Variants in CD99 observed in about 807,000 individuals in gnomAD.
The protein encoded by CD99 is CD99 molecule (Xg blood group), also known as CD99 antigen.
CD99 carries 19 observed loss-of-function variants against 28.4 expected under a neutral mutation model. That is an observed-to-expected ratio of 0.67 (90% CI 0.47 to 0.98). The LOEUF is 0.98. CD99 is among the 50% of genes least tolerant of loss of function. The pLI is 0.00. For synonymous variants in CD99, 103 were observed against 92.1 expected (o/e 1.12, Z -0.67); for missense variants, 283 against 248.8 (o/e 1.14, Z -0.92).
At chrX:2,701,547 G>T (rs2047863721) in intron 1 of CD99, among the ~76,000 whole-genome samples, 1 of 151,904 alleles carries the variant, frequency 6.6e-6, no homozygotes. Context: ...GAGCTTCCAA[G>T]AATGAGCAGA....
chrX:2,714,501 A>T, intron 2 of CD99, 47 bp downstream of exon 2: 2 of 1,465,978 alleles, frequency 1.4e-6, no homozygotes, highest in Non-Finnish European at 1.9e-6. Context: ...ATTTTATGTT[A>T]ACATAGTATA....
chrX:2,736,492 C>T (rs1277658489), intron 8 of CD99, among the ~76,000 whole-genome samples: 2 of 151,944 alleles, frequency 1.3e-5, no homozygotes, highest in Admixed American at 6.6e-5. Context: ...AGAAAAGAAG[C>T]GACACCGACA....
At chrX:2,727,052 G>T (rs1382145047) in intron 8 of CD99, among the ~76,000 whole-genome samples, 1 of 152,194 alleles carries the variant, frequency 6.6e-6, no homozygotes, top group Non-Finnish European at 1.5e-5. Context: ...CAGGAGAATG[G>T]TGTGAACCTG....
intron 1 of CD99, among the ~76,000 whole-genome samples, chrX:2,708,488 G>A (rs772483864): frequency 1.3e-5 from 2 of 152,142 alleles, no homozygotes; most frequent in Admixed American, 1.3e-4. Context: ...AGCTGAGGTC[G>A]AGGGCCCAAG....
At chrX:2,692,772 GTC>G (rs1236862162) in intron 1 of CD99, among the ~76,000 whole-genome samples, 1 of 152,188 alleles carries the variant, frequency 6.6e-6, no homozygotes, top group Non-Finnish European at 1.5e-5. Flanking sequence ...TTTTTCACTT[GTC>G]TCTCTGCGAA....
In CD99 at chrX:2,723,329, A is replaced by T. The variant is rs1163652813; in HGVS notation, c.326A>T (p.Asp109Val). The T allele has an allele frequency of 6.2e-7, 1 of 1,613,844 alleles. No individual in the cohort carries two copies. Among genetic ancestry groups the T allele is most frequent in the Non-Finnish European group, 8.5e-7 (1 of 1,179,874 alleles). ...TGTCTTGCAGGAAAAGGAGGCAGTG[A>T]TGGTGGAGGCAGCCACAGGAAAGAA... is the stretch of plus-strand genomic sequence containing the variant. ...VSGGEGKGGS[D>V]GGGSHRKEGE... Residue 109 changes from aspartate to valine, a missense_variant, in exon 7 of 10, where the codon GAT becomes GTT. Physicochemically the swap from Asp to Val is radical, Grantham distance 152. Transcript: ENST00000381192.
At chrX:2,727,245 T>G in intron 8 of CD99, 1 of 767,964 alleles carries the variant, frequency 1.3e-6, no homozygotes, top group Non-Finnish European at 2.4e-6. Context: ...GACTAAAATT[T>G]ACAGGGGAAT....
At chrX:2,721,853 G>A (rs2049007098) in intron 5 of CD99, among the ~76,000 whole-genome samples, 3 of 152,110 alleles carry the variant, frequency 2.0e-5, no homozygotes, top group Admixed American at 6.6e-5. Flanking sequence ...AATTAACAAA[G>A]CAAATCTGAG....
intron 2 of CD99, among the ~76,000 whole-genome samples, chrX:2,717,203 C>G (rs28700076): frequency 0.34 from 51,469 of 151,818 alleles, 9,205 homozygotes; most frequent in Middle Eastern, 0.5. Flanking sequence ...AAAAAATTAG[C>G]CGGGAGTGAT....
chrX:2,698,492 G>T (rs2047683072), intron 1 of CD99, among the ~76,000 whole-genome samples: 2 of 151,730 alleles, frequency 1.3e-5, no homozygotes, highest in South Asian at 4.2e-4. Flanking sequence ...TTTGAGACAG[G>T]ATCTCACTCT....
intron 8 of CD99, chrX:2,733,415 C>T: frequency 4.5e-6 from 7 of 1,572,806 alleles, no homozygotes; most frequent in Non-Finnish European, 6.0e-6. Flanking sequence ...AGCGTCCTGA[C>T]CGTAATCGTT....
chrX:2,734,408 G>A (rs2049828700), intron 8 of CD99, among the ~76,000 whole-genome samples: 1 of 151,902 alleles, frequency 6.6e-6, no homozygotes, highest in African/African-American at 2.4e-5. Context: ...CTGGGTTCAA[G>A]CGATTCTCCT....
chrX:2,717,362 AAG>A, intron 2 of CD99: 1 of 498,966 alleles, frequency 2.0e-6, no homozygotes, highest in South Asian at 3.2e-5. Flanking sequence ...AAAAAAAAAA[AAG>A]AAGTGGAGAA....
chrX:2,727,191 G>T, intron 8 of CD99: 1 of 722,680 alleles, frequency 1.4e-6, no homozygotes, highest in South Asian at 1.5e-5. Context: ...TGTTAGTACC[G>T]AAAACCCACA....
chrX:2,691,848 G>C, intron 1 of CD99: 1 of 778,058 alleles, frequency 1.3e-6, no homozygotes, highest in Admixed American at 1.7e-5. Context: ...GCCTGTCACA[G>C]CCACGCCCTG....
intron 1 of CD99, among the ~76,000 whole-genome samples, chrX:2,694,294 TA>T (rs200342310): frequency 5.5e-4 from 83 of 151,548 alleles, no homozygotes; most frequent in African/African-American, 1.8e-3. Context: ...TTTTTTTTTT[TA>T]ACTCTCTCCA....
At chrX:2,710,463 TAAG>T (rs1038970591) in intron 1 of CD99, among the ~76,000 whole-genome samples, 27 of 151,648 alleles carry the variant, frequency 1.8e-4, no homozygotes, top group African/African-American at 5.8e-4. Context: ...ATTACAGAAA[TAAG>T]AAGGGTTACA....
intron 1 of CD99, among the ~76,000 whole-genome samples, chrX:2,711,412 T>TATATA (rs780117907): frequency 8.0e-4 from 69 of 86,408 alleles, no homozygotes; most frequent in African/African-American, 3.2e-3. Context: ...TGTGTGTGTA[T>TATATA]TATATATATA....
At chrX:2,695,521 T>C (rs138819255) in intron 1 of CD99, among the ~76,000 whole-genome samples, 2,428 of 151,910 alleles carry the variant, frequency 0.016, 66 homozygotes, top group African/African-American at 0.054. Flanking sequence ...AAGCAATCCT[T>C]CCACCTCAGC....
Sources: gnomAD v4.1 joint callset for allele counts (sites outside exome capture counted in the v4.1 genomes callset) on GRCh38, gnomAD v4.1.1 for gene constraint, MANE v1.5 for transcripts, NCBI Gene and HGNC (gene_info 2026-07-23, HGNC 2026-07-21) for gene names.